Variants in FNDC3B observed in about 807,000 individuals in gnomAD.
The protein encoded by FNDC3B is fibronectin type III domain containing 3B.
In FNDC3B, 12 loss-of-function variants were observed where a neutral mutation model predicts 151.5. That is an observed-to-expected ratio of 0.08 (90% confidence interval 0.05 to 0.13). The LOEUF (loss-of-function observed/expected upper bound fraction) is 0.13, where lower values mean the gene tolerates loss of function less well. Ranked by LOEUF, FNDC3B falls within the 10% of genes least tolerant of loss-of-function variation. The probability of loss-of-function intolerance (pLI) is 1.00; values close to 1 mark genes in which losing one functional copy is unlikely to be tolerated. For missense variants in FNDC3B, 1,214 were observed against 1,505.3 expected (o/e 0.81, Z 3.20); for synonymous variants, 528 against 549.0 (o/e 0.96, Z 0.54).
chr3:172,118,693 G>T (rs79796403), intron 2 of FNDC3B, among the ~76,000 whole-genome samples: 2,206 of 152,306 alleles, frequency 0.014, 60 homozygotes, highest in African/African-American at 0.05. Context: ...GTATGGGGAA[G>T]CTCGGTCTTG....
At chr3:172,151,611 A>C (rs1722226456) in intron 3 of FNDC3B, among the ~76,000 whole-genome samples, 1 of 152,180 alleles carries the variant, frequency 6.6e-6, no homozygotes. Context: ...GGTAGTTTTA[A>C]TTTTGGAAAT....
chr3:172,043,226 T>A (rs1716182321), intron 1 of FNDC3B, among the ~76,000 whole-genome samples: 1 of 152,242 alleles, frequency 6.6e-6, no homozygotes, highest in African/African-American at 2.4e-5. Flanking sequence ...CTAAGTTTTA[T>A]TTACTTGTAA....
chr3:172,134,948 G>A (rs371735101), intron 3 of FNDC3B, among the ~76,000 whole-genome samples: 5 of 150,414 alleles, frequency 3.3e-5, no homozygotes, highest in East Asian at 1.9e-4. Context: ...AACAGATACC[G>A]TGAACAATTA....
chr3:172,373,588 CTTA>C lies in FNDC3B; in HGVS notation c.3009-4678_3009-4676del, dbSNP rs547953436. On this transcript the variant is annotated intron_variant, in intron 23 of 25. Coordinates refer to ENST00000415807, the MANE Select transcript of FNDC3B (RefSeq NM_022763.4). ...TCCATCACAAAAGGCCTCTGGCTTA[CTTA>C]TTAATGAATTCTGAAATTAAGTTGT... Among the ~76,000 whole-genome samples, 3 of 152,270 alleles carry C rather than the reference CTTA, an allele frequency of 2.0e-5. No individual in the cohort carries two copies. In the South Asian group the frequency reaches 6.2e-4, roughly 32 times the overall value.
At chr3:172,354,799 C>T (rs2108328576) in intron 22 of FNDC3B, among the ~76,000 whole-genome samples, 1 of 151,002 alleles carries the variant, frequency 6.6e-6, no homozygotes, top group African/African-American at 2.4e-5. Flanking sequence ...TAGATAAAAA[C>T]ATGTGGAATG....
At chr3:172,333,034 A>T (rs1732758089) in intron 13 of FNDC3B, 55 bp from the exon 14 acceptor site, 3 of 1,124,774 alleles carry the variant, frequency 2.7e-6, no homozygotes, top group Non-Finnish European at 4.1e-6. Context: ...ATTCAAAGGT[A>T]TTTAATGCCC....
chr3:172,283,285 T>G (rs1397606004), intron 6 of FNDC3B, among the ~76,000 whole-genome samples: 1 of 152,208 alleles, frequency 6.6e-6, no homozygotes, highest in African/African-American at 2.4e-5. Context: ...TATTTTTTCT[T>G]TTTTTCTGTT....
intron 3 of FNDC3B, among the ~76,000 whole-genome samples, chr3:172,181,556 C>A (rs1027524795): frequency 1.3e-5 from 2 of 148,814 alleles, no homozygotes; most frequent in Non-Finnish European, 3.0e-5. Context: ...GGAAGCCAGG[C>A]GTGGTGGCTC....
chr3:172,196,189 G>A (rs1267652423), intron 3 of FNDC3B, among the ~76,000 whole-genome samples: 1 of 152,060 alleles, frequency 6.6e-6, no homozygotes, highest in Non-Finnish European at 1.5e-5. Context: ...AACCTTAAAT[G>A]TAAAAACATT....
At chr3:172,270,041 A>G (rs1729123048) in intron 6 of FNDC3B, among the ~76,000 whole-genome samples, 1 of 152,252 alleles carries the variant, frequency 6.6e-6, no homozygotes, top group Non-Finnish European at 1.5e-5. Context: ...GTATACAAAA[A>G]GTTAGGTCTA....
chr3:172,177,229 C>CT, intron 3 of FNDC3B, among the ~76,000 whole-genome samples: 1 of 152,096 alleles, frequency 6.6e-6, no homozygotes, highest in Non-Finnish European at 1.5e-5. Flanking sequence ...CAAAAAGAAT[C>CT]TTTGTTACTG....
chr3:172,308,202 A>C (rs1731289837), intron 10 of FNDC3B, among the ~76,000 whole-genome samples: 1 of 152,176 alleles, frequency 6.6e-6, no homozygotes, highest in Non-Finnish European at 1.5e-5. Flanking sequence ...TTAAGAAAAA[A>C]AGACTGAATT....
chr3:172,299,727 A>T (rs970121614), intron 9 of FNDC3B, among the ~76,000 whole-genome samples: 14 of 152,198 alleles, frequency 9.2e-5, no homozygotes, highest in Admixed American at 9.2e-4. Context: ...TTACATCATG[A>T]GTTTCTTTGT....
At chr3:172,275,070 G>A (rs1199902135) in intron 6 of FNDC3B, among the ~76,000 whole-genome samples, 1 of 151,962 alleles carries the variant, frequency 6.6e-6, no homozygotes, top group Admixed American at 6.6e-5. Flanking sequence ...GACCTAAATG[G>A]CCGCTTTTGC....
At chr3:172,115,800 A>T (rs1198809264) in intron 2 of FNDC3B, among the ~76,000 whole-genome samples, 1 of 152,094 alleles carries the variant, frequency 6.6e-6, no homozygotes, top group Non-Finnish European at 1.5e-5. Flanking sequence ...ATCTGTTAGG[A>T]GTGTGTATGG....
chr3:172,112,753 G>A (rs1450216821), intron 2 of FNDC3B, among the ~76,000 whole-genome samples, 163 bp downstream of exon 2: 1 of 152,192 alleles, frequency 6.6e-6, no homozygotes, highest in Non-Finnish European at 1.5e-5. Context: ...TTTAAAATGT[G>A]ATTTTAGAGA....
At position 172,285,853 on chromosome 3, in the gene FNDC3B, T is replaced by C; in HGVS notation, c.791-73T>C. The C allele has an allele frequency of 2.7e-6, 3 of 1,129,424 alleles. No individual in the cohort carries two copies. In the South Asian group the frequency reaches 3.9e-5, roughly 15 times the overall value. The allele number at this position is 1,129,424 out of a possible 1,614,324, so 70.0% of individuals were successfully genotyped here. A position where few individuals can be genotyped will look rare whatever the true frequency, so the allele number is the denominator to read the frequency against. On this transcript the variant is annotated intron_variant, in intron 6 of 25. Coordinates refer to ENST00000415807, the MANE Select transcript of FNDC3B (RefSeq NM_022763.4). ...TAATGATAACTCCAGTTAAAAGGCC[T>C]TGGGGAAGGAACTTGACAACCTTAC...
intron 23 of FNDC3B, among the ~76,000 whole-genome samples, chr3:172,364,280 A>T (rs1431303125): frequency 6.6e-6 from 1 of 152,236 alleles, no homozygotes; most frequent in African/African-American, 2.4e-5. Flanking sequence ...ATCCATGTAT[A>T]AAAAAACTAG....
intron 3 of FNDC3B, among the ~76,000 whole-genome samples, chr3:172,152,935 G>C (rs1722304188): frequency 6.6e-6 from 1 of 152,148 alleles, no homozygotes; most frequent in Admixed American, 6.5e-5. Context: ...TCCATCCTGT[G>C]AGGTATTATG....
Sources: allele counts gnomAD v4.1 joint callset (sites outside exome capture counted in the v4.1 genomes callset), GRCh38; gene constraint gnomAD v4.1.1; transcripts MANE v1.5; gene names NCBI Gene and HGNC (gene_info 2026-07-23, HGNC 2026-07-21).